Variants in CDH9 observed in about 807,000 individuals in gnomAD.
CDH9 encodes the protein cadherin-9.
Under a neutral mutation model 70.9 loss-of-function variants are expected in CDH9, and 28 were observed. The observed-to-expected ratio is 0.40, with a 90% CI of 0.29 to 0.54. The LOEUF (loss-of-function observed/expected upper bound fraction) is 0.54. Among genes scored for constraint, CDH9 ranks in the 20% least tolerant of loss-of-function variants. The pLI, the probability that CDH9 is intolerant of heterozygous loss-of-function variation, is 0.59. For missense variants in CDH9, 874 were observed against 984.4 expected (o/e 0.89, Z 1.50); for synonymous variants, 409 against 343.1 (o/e 1.19, Z -2.12).
intron 11 of CDH9, among the ~76,000 whole-genome samples, chr5:26,883,394 G>A (rs11949398): frequency 0.37 from 56,329 of 151,134 alleles, 11,337 homozygotes; most frequent in Non-Finnish European, 0.45. Flanking sequence ...AAAATTATCC[G>A]ATCATTTCTT....
intron 2 of CDH9, among the ~76,000 whole-genome samples, chr5:26,955,337 A>T (rs192694618): frequency 4.0e-4 from 61 of 152,346 alleles, no homozygotes; most frequent in South Asian, 3.1e-3. Flanking sequence ...CTAAGGCAAC[A>T]TAAGTGTGTT....
chr5:26,923,069 T>TAAAAAAAAAA (rs56883597), intron 2 of CDH9, among the ~76,000 whole-genome samples: 4 of 95,026 alleles, frequency 4.2e-5, no homozygotes, highest in South Asian at 3.5e-4. Context: ...TTACATGAAT[T>TAAAAAAAAAA]AAAAAAAAAA....
chr5:27,021,801 C>T (rs2112126127), intron 1 of CDH9, among the ~76,000 whole-genome samples: 1 of 151,992 alleles, frequency 6.6e-6, no homozygotes, highest in East Asian at 1.9e-4. Context: ...CATTTTACAA[C>T]AGGATTAATT....
intron 1 of CDH9, among the ~76,000 whole-genome samples, chr5:27,003,035 C>T (rs935813237): frequency 2.0e-5 from 3 of 151,950 alleles, no homozygotes; most frequent in African/African-American, 7.2e-5. Context: ...AAATAAAATG[C>T]TTCAGAACAG....
In CDH9 at chr5:26,902,523, A is replaced by G. The variant is rs773371878; in HGVS notation, c.1206T>C (p.Ile402=). ...VDEDVKEGSI[I]GQVTAYDPDA... is the part of the protein sequence containing the mutation. ...CTGGATCGTATGCTGTAACCTGTCC[A>G]ATGATACTGCCCTCCTTTACATCTT... Residue 402 remains isoleucine (I), a synonymous_variant, in exon 7 of 12, where the codon ATT becomes ATC. Transcript: ENST00000231021. 6.2e-6 allele frequency: 10 copies of G among 1,603,880 alleles called. No individual in the cohort carries two copies. Among genetic ancestry groups the G allele is most frequent in the Non-Finnish European group, 8.5e-6 (10 of 1,171,194 alleles).
intron 1 of CDH9, among the ~76,000 whole-genome samples, chr5:27,034,421 T>C (rs982240711): frequency 7.2e-5 from 11 of 151,874 alleles, no homozygotes; most frequent in African/African-American, 2.4e-4. Context: ...TATACAAGAA[T>C]GCTTATTTCT....
chr5:26,994,012 G>A (rs1271460143), intron 1 of CDH9, among the ~76,000 whole-genome samples: 1 of 152,124 alleles, frequency 6.6e-6, no homozygotes, highest in Non-Finnish European at 1.5e-5. Flanking sequence ...TTTTAAACTT[G>A]CTTTGGACCT....
intron 2 of CDH9, among the ~76,000 whole-genome samples, chr5:26,928,001 T>C (rs1416911784): frequency 1.3e-5 from 2 of 152,066 alleles, no homozygotes; most frequent in South Asian, 2.1e-4. Context: ...ACCAGATTCA[T>C]ATAGAGGTGT....
intron 2 of CDH9, among the ~76,000 whole-genome samples, chr5:26,957,618 T>C (rs1427937343): frequency 6.6e-6 from 1 of 151,930 alleles, no homozygotes; most frequent in Non-Finnish European, 1.5e-5. Context: ...GCTGAGATCA[T>C]GCCACTGCAC....
chr5:26,956,145 G>A (rs1156570349), intron 2 of CDH9, among the ~76,000 whole-genome samples: 1 of 152,130 alleles, frequency 6.6e-6, no homozygotes, highest in Non-Finnish European at 1.5e-5. Context: ...ATTCCCATGT[G>A]TCTTGGGAGG....
chr5:26,970,915 A>C (rs900700740), intron 2 of CDH9, among the ~76,000 whole-genome samples: 5 of 152,168 alleles, frequency 3.3e-5, no homozygotes, highest in African/African-American at 1.2e-4. Context: ...CATATAATTC[A>C]AGTTGAATAC....
At chr5:26,892,408 A>G in intron 7 of CDH9, among the ~76,000 whole-genome samples, 1 of 152,184 alleles carries the variant, frequency 6.6e-6, no homozygotes, top group Middle Eastern at 3.2e-3. Flanking sequence ...GATGAATCCT[A>G]TGCTGTAGCT....
intron 2 of CDH9, among the ~76,000 whole-genome samples, chr5:26,982,976 C>T (rs949244424): frequency 2.6e-5 from 4 of 152,018 alleles, no homozygotes; most frequent in East Asian, 1.9e-4. Flanking sequence ...TGAGCCACCG[C>T]GCCTGGTCTA....
At chr5:26,894,611 A>G (rs1028217079) in intron 7 of CDH9, among the ~76,000 whole-genome samples, 1 of 152,066 alleles carries the variant, frequency 6.6e-6, no homozygotes, top group African/African-American at 2.4e-5. Flanking sequence ...ATTTTCTTTT[A>G]TTTAGCAGCC....
intron 2 of CDH9, among the ~76,000 whole-genome samples, chr5:26,939,377 G>T (rs537310692): frequency 6.6e-6 from 1 of 151,426 alleles, no homozygotes; most frequent in Non-Finnish European, 1.5e-5. Flanking sequence ...TTTCACAAAA[G>T]AAATTATAAA....
intron 1 of CDH9, among the ~76,000 whole-genome samples, chr5:27,037,593 A>G (rs1015582252): frequency 1.3e-5 from 2 of 151,954 alleles, no homozygotes; most frequent in Non-Finnish European, 2.9e-5. Context: ...AGACGAGCCT[A>G]CCTGCAAAAA....
intron 1 of CDH9, among the ~76,000 whole-genome samples, chr5:27,020,591 T>A (rs1318297917): frequency 2.6e-5 from 4 of 151,668 alleles, no homozygotes; most frequent in Non-Finnish European, 4.4e-5. Flanking sequence ...ATTTTGTGCA[T>A]ATTATTGTTA....
chr5:26,903,858 A>G (rs1740901108), intron 5 of CDH9, 34 bp from the exon 6 acceptor site: 1 of 1,140,566 alleles, frequency 8.8e-7, no homozygotes, highest in Non-Finnish European at 1.3e-6. Context: ...TTGACATTTC[A>G]TCTTTATATA....
intron 1 of CDH9, among the ~76,000 whole-genome samples, chr5:27,008,364 C>T (rs1742902739): frequency 6.6e-6 from 1 of 151,830 alleles, no homozygotes; most frequent in Admixed American, 6.6e-5. Context: ...GTGGCGGGTG[C>T]CTGTAATACC....
Sources: allele counts gnomAD v4.1 joint callset (sites outside exome capture counted in the v4.1 genomes callset), GRCh38; gene constraint gnomAD v4.1.1; transcripts MANE v1.5; gene names NCBI Gene and HGNC (gene_info 2026-07-23, HGNC 2026-07-21).